GLIS3: variants seen among roughly 807,000 people sequenced by gnomAD.
The protein encoded by GLIS3 is zinc finger protein GLIS3.
Under a neutral mutation model 78.6 loss-of-function variants are expected in GLIS3, and 53 were observed. The observed-to-expected ratio is 0.67, with a 90% CI of 0.54 to 0.85. The LOEUF (loss-of-function observed/expected upper bound fraction) is 0.85, where lower values mean the gene tolerates loss of function less well. Among genes scored for constraint, GLIS3 ranks in the 40% least tolerant of loss-of-function variants. The pLI is 0.00. For synonymous variants in GLIS3, 684 were observed against 509.9 expected, an observed-to-expected ratio of 1.34 and a Z score of -4.60; for missense variants, 1,703 against 1,231.1, an observed-to-expected ratio of 1.38 and a Z score of -5.74.
At chr9:4,110,141 AAC>A (rs1476151359) in intron 4 of GLIS3, among the ~76,000 whole-genome samples, 2 of 152,228 alleles carry the variant, frequency 1.3e-5, no homozygotes, top group Non-Finnish European at 2.9e-5. Flanking sequence ...CGAATGAATC[AAC>A]ACACAATGAG....
the GLIS3 span, among the ~76,000 whole-genome samples, chr9:4,406,787 A>C: frequency 2.6e-5 from 4 of 152,212 alleles, no homozygotes; most frequent in East Asian, 7.7e-4. Context: ...CTCATGAAAG[A>C]AATTGAAGAG....
intron 4 of GLIS3, among the ~76,000 whole-genome samples, chr9:4,107,101 G>C (rs1201951924): frequency 1.3e-5 from 2 of 152,096 alleles, no homozygotes; most frequent in Non-Finnish European, 2.9e-5. Context: ...AAAAATAAAT[G>C]GTCTTTAAAG....
intron 4 of GLIS3, among the ~76,000 whole-genome samples, chr9:3,948,365 T>A (rs1017568): frequency 6.6e-6 from 1 of 152,144 alleles, no homozygotes; most frequent in Admixed American, 6.5e-5. Context: ...TTCCTATATG[T>A]TCACTCATGG....
Position 4,118,759 on chromosome 9 carries a change from T to C in GLIS3, c.719A>G (p.His240Arg), listed in dbSNP as rs763323299. 3 of 1,613,384 alleles carry C rather than the reference T, an allele frequency of 1.9e-6. No individual in the cohort carries two copies. Among genetic ancestry groups the C allele is most frequent in the Admixed American group, 3.3e-5 (2 of 59,970 alleles). ...GYRALPSLSN[H>R]GSQNGLDLGD... The stretch of plus-strand genomic sequence containing the variant: ...TAGATCAAGGCCATTCTGAGAGCCG[T>C]GGTTGGAGAGCGAAGGGAGGGCCCT... Residue 240 changes from histidine to arginine, a missense_variant, in exon 4 of 11, where the codon CAC becomes CGC. Transcript: ENST00000381971. The surrounding 1 kb of genome is among the most constrained non-coding windows in gnomAD (Gnocchi z 4.7).
intron 7 of GLIS3, among the ~76,000 whole-genome samples, chr9:3,889,564 A>G (rs536670275): frequency 6.6e-6 from 1 of 152,354 alleles, no homozygotes; most frequent in South Asian, 2.1e-4. Context: ...CTGTCTTATA[A>G]TACATTCTCC....
chr9:3,917,624 T>C (rs888734304), intron 6 of GLIS3, among the ~76,000 whole-genome samples: 4 of 151,978 alleles, frequency 2.6e-5, no homozygotes, highest in African/African-American at 7.2e-5. Context: ...CAATGCTCTC[T>C]ACTTCCAAGT....
intron 2 of GLIS3, among the ~76,000 whole-genome samples, chr9:4,257,710 A>T (rs1407261936): frequency 1.3e-5 from 2 of 151,770 alleles, no homozygotes; most frequent in Admixed American, 1.3e-4. Context: ...AGTAGCTGGG[A>T]CTACAGGTGC....
At position 4,234,943 on chromosome 9, in the gene GLIS3, C is replaced by G. The variant is rs564002614; in HGVS notation, c.388+51095G>C. Among the ~76,000 whole-genome samples the G allele has an allele frequency of 2.6e-5, 4 of 152,264 alleles. No individual in the cohort carries two copies. In the East Asian group the frequency reaches 7.7e-4, roughly 29 times the overall value. On this transcript the variant is annotated intron_variant, in intron 2 of 10. Transcript: ENST00000381971. Reference sequence around the variant, plus strand: ...TCAAAAAGGCATCGCCACATACACTCCATGGCATCAGTCCTGCCTCAGTTA... The same window carrying G: ...TCAAAAAGGCATCGCCACATACACTGCATGGCATCAGTCCTGCCTCAGTTA...
chr9:4,034,282 C>T (rs1428698730), intron 4 of GLIS3, among the ~76,000 whole-genome samples: 2 of 152,046 alleles, frequency 1.3e-5, no homozygotes, highest in Non-Finnish European at 2.9e-5. Flanking sequence ...ATAATACCAA[C>T]AGAAAACAAG....
chr9:4,195,799 A>T (rs1054575605), intron 2 of GLIS3, among the ~76,000 whole-genome samples: 1 of 152,196 alleles, frequency 6.6e-6, no homozygotes, highest in Admixed American at 6.6e-5. Context: ...GGATGCACCA[A>T]CAGGCACTCT....
chr9:4,008,000 T>C (rs1189950903), intron 4 of GLIS3, among the ~76,000 whole-genome samples: 1 of 152,038 alleles, frequency 6.6e-6, no homozygotes, highest in Admixed American at 6.6e-5. Flanking sequence ...TACACCAGGG[T>C]TGCATATCCA....
Position 4,118,989 on chromosome 9 carries a change from C to T in GLIS3, c.597-108G>A. On this transcript the variant is annotated intron_variant, in intron 3 of 10. Coordinates refer to ENST00000381971, the MANE Select transcript of GLIS3 (RefSeq NM_001042413.2). The surrounding 1 kb of genome is among the most constrained non-coding windows in gnomAD (Gnocchi z 4.7). ...TGCATTGACAATCCCTTAAGTATTT[C>T]CCCTAATTACATTCTGTGCTAAACA... 1.7e-6 allele frequency: 2 copies of T among 1,163,250 alleles called. No individual in the cohort carries two copies. The highest frequency in any genetic ancestry group is 1.3e-5 in the South Asian group (1 of 74,382). The allele number at this position is 1,163,250 out of a possible 1,614,324, so 72.1% of individuals were successfully genotyped here. A position where few individuals can be genotyped will look rare whatever the true frequency, so the allele number is the denominator to read the frequency against.
At chr9:4,373,358 T>C in the GLIS3 span, among the ~76,000 whole-genome samples, 1 of 152,146 alleles carries the variant, frequency 6.6e-6, no homozygotes, top group Non-Finnish European at 1.5e-5. Flanking sequence ...AATCTCAAGA[T>C]TCACTGAAGA....
chr9:4,201,553 G>A (rs1181213597), intron 2 of GLIS3, among the ~76,000 whole-genome samples: 3 of 152,070 alleles, frequency 2.0e-5, no homozygotes, highest in East Asian at 3.9e-4. Flanking sequence ...TTCAAGCTGA[G>A]AGCCTAATTA....
intron 2 of GLIS3, among the ~76,000 whole-genome samples, chr9:4,232,005 T>C (rs1822294627): frequency 6.6e-6 from 1 of 152,180 alleles, no homozygotes; most frequent in Admixed American, 6.5e-5. Context: ...AAAAATAATT[T>C]CACTCAACAT....
At chr9:4,059,823 T>TGAGAGA (rs1323533281) in intron 4 of GLIS3, among the ~76,000 whole-genome samples, 177 of 123,852 alleles carry the variant, frequency 1.4e-3, no homozygotes, top group African/African-American at 5.5e-3. Flanking sequence ...TGTGTGTGTG[T>TGAGAGA]GTGTGTGAGA....
chr9:4,336,596 A>G (rs1035053081), intron 2 of GLIS3, among the ~76,000 whole-genome samples: 18 of 152,356 alleles, frequency 1.2e-4, no homozygotes, highest in African/African-American at 4.3e-4. Flanking sequence ...AGACTCAGGA[A>G]GATAAAACAA....
chr9:4,206,759 G>A (rs759318811), intron 2 of GLIS3, among the ~76,000 whole-genome samples: 26 of 152,308 alleles, frequency 1.7e-4, no homozygotes, highest in Non-Finnish European at 3.1e-4. Context: ...TTGATAGATC[G>A]AAACTCTGCA....
At chr9:4,431,740 A>G in the GLIS3 span, among the ~76,000 whole-genome samples, 1 of 152,046 alleles carries the variant, frequency 6.6e-6, no homozygotes, top group East Asian at 1.9e-4. Context: ...GCTACTCAGG[A>G]AGCTGAGGCA....
Sources: allele counts gnomAD v4.1 joint callset (sites outside exome capture counted in the v4.1 genomes callset), GRCh38; gene constraint gnomAD v4.1.1; non-coding constraint Gnocchi (gnomAD v3.1); transcripts MANE v1.5; gene names NCBI Gene and HGNC (gene_info 2026-07-23, HGNC 2026-07-21).